EXD1: variants seen among roughly 807,000 people sequenced by gnomAD.
The protein encoded by EXD1 is exonuclease 3'-5' domain containing 1.
EXD1 carries 63 observed loss-of-function variants against 49.1 expected under a neutral mutation model. The observed-to-expected ratio is 1.28, with a 90% CI of 1.05 to 1.58. EXD1 has a LOEUF of 1.58. Among genes scored for constraint, EXD1 ranks in the 40% most tolerant of loss-of-function variants. The pLI is 0.00. For synonymous variants in EXD1, 234 were observed against 239.2 expected (o/e 0.98, Z 0.20); for missense variants, 748 against 666.0 (o/e 1.12, Z -1.36).
Position 41,195,741 on chromosome 15 carries a change from T to C in EXD1, c.720+34A>G, listed in dbSNP as rs1209321596. On this transcript the variant is annotated intron_variant, in intron 9 of 11. Transcript: ENST00000458580. ...CCCTTTTATCTACAGGAGCTGTATA[T>C]ACTGGTTTGAATCCAGTGCTTCCCT... 5 of 1,566,054 alleles carry C rather than the reference T, an allele frequency of 3.2e-6. No homozygotes were observed. In the South Asian group the frequency reaches 5.7e-5, roughly 18 times the overall value.
At chr15:41,190,962 G>A (rs1366815045) in intron 10 of EXD1, among the ~76,000 whole-genome samples, 1 of 151,840 alleles carries the variant, frequency 6.6e-6, no homozygotes, top group Non-Finnish European at 1.5e-5. Context: ...TGCCCAGGCT[G>A]GAGTGCAGTG....
chr15:41,187,579 T>C (rs2046433837), intron 11 of EXD1, among the ~76,000 whole-genome samples: 1 of 152,184 alleles, frequency 6.6e-6, no homozygotes, highest in Admixed American at 6.6e-5. Context: ...TAGAGTATTA[T>C]AATTTATTCA....
At chr15:41,211,211 A>G (rs1254106811) in intron 6 of EXD1, among the ~76,000 whole-genome samples, 2 of 152,000 alleles carry the variant, frequency 1.3e-5, no homozygotes. Flanking sequence ...TCCGGGGCTT[A>G]GCTGATCCTC....
intron 3 of EXD1, among the ~76,000 whole-genome samples, chr15:41,218,522 A>G (rs1345698327): frequency 2.0e-5 from 3 of 151,478 alleles, no homozygotes; most frequent in Non-Finnish European, 4.4e-5. Context: ...ACGAAGGCCA[A>G]ACCCTGGAGA....
In EXD1 at chr15:41,223,789, C is replaced by T. The variant is rs193101525; in HGVS notation, c.133+2654G>A. Among the ~76,000 whole-genome samples the T allele has an allele frequency of 3.3e-3, 495 of 151,312 alleles. 14 individuals carry two copies. The highest frequency in any genetic ancestry group is 0.026 in the Admixed American group (396 of 15,142). On this transcript the variant is annotated intron_variant, in intron 2 of 11. Transcript: ENST00000458580. Reference sequence around the variant, plus strand: ...CTGAGGCAGGAGAATGGCTTGAACCCGGGAGGCAAAGGTTCCAGTGAGCCA... The same window carrying T: ...CTGAGGCAGGAGAATGGCTTGAACCTGGGAGGCAAAGGTTCCAGTGAGCCA...
chr15:41,225,253 C>A (rs1268484986), intron 2 of EXD1, among the ~76,000 whole-genome samples: 1 of 152,150 alleles, frequency 6.6e-6, no homozygotes, highest in Non-Finnish European at 1.5e-5. Context: ...ACAATTCTAA[C>A]TAATGTGGTG....
At chr15:41,199,648 T>C (rs1202268859) in intron 7 of EXD1, among the ~76,000 whole-genome samples, 2 of 129,914 alleles carry the variant, frequency 1.5e-5, no homozygotes, top group Admixed American at 1.8e-4. Context: ...ATAAAATATA[T>C]ATCATATATA....
At chr15:41,206,969 C>T (rs58083671) in intron 7 of EXD1, among the ~76,000 whole-genome samples, 1 of 126,940 alleles carries the variant, frequency 7.9e-6, no homozygotes, top group Non-Finnish European at 1.6e-5. Context: ...AGTGCCTCTG[C>T]GCCAGGTGTG....
intron 1 of EXD1, among the ~76,000 whole-genome samples, chr15:41,229,559 C>T (rs539202403): frequency 3.3e-5 from 5 of 152,086 alleles, no homozygotes; most frequent in Admixed American, 6.6e-5. Flanking sequence ...ACCTGAGATA[C>T]GGAGTTCGAG....
chr15:41,184,489 G>C lies in EXD1; in HGVS notation c.1161C>G (p.Leu387=). 4 of 1,614,054 alleles carry C rather than the reference G, an allele frequency of 2.5e-6. No individual in the cohort carries two copies. The highest frequency in any genetic ancestry group is 3.4e-6 in the Non-Finnish European group (4 of 1,180,010). Residue 387 remains leucine (L), a synonymous_variant, in exon 12 of 12, where the codon CTC becomes CTG. Transcript: ENST00000458580. The part of the protein sequence containing the change: ...AREYRVNAQG[L]LIRTVLQPKK... The stretch of plus-strand genomic sequence containing the variant: ...TTGGCTGTAGCACTGTCCTTATCAG[G>C]AGTCCCTGTGCATTCACCCTATATT...
intron 6 of EXD1, 58 bp from the exon 7 acceptor site, chr15:41,209,645 C>T: frequency 6.3e-6 from 9 of 1,428,538 alleles, no homozygotes; most frequent in Non-Finnish European, 8.8e-6. Context: ...GGCATGATAA[C>T]ATCATGATTG....
At chr15:41,226,048 C>T (rs572129006) in intron 2 of EXD1, among the ~76,000 whole-genome samples, 19 of 152,072 alleles carry the variant, frequency 1.2e-4, no homozygotes, top group Admixed American at 2.0e-4. Flanking sequence ...GTCAGGAGAT[C>T]GAGACCATCC....
At chr15:41,216,615 G>C in intron 5 of EXD1, 53 bp downstream of exon 5, 1 of 1,538,588 alleles carries the variant, frequency 6.5e-7, no homozygotes, top group Non-Finnish European at 8.7e-7. Flanking sequence ...TGGGCAACAA[G>C]AGCGAAACTC....
chr15:41,184,429 C>T lies in EXD1; in HGVS notation c.1221G>A (p.Glu407=). 2 of 1,614,130 alleles carry T rather than the reference C, an allele frequency of 1.2e-6. No homozygotes were observed. The highest frequency in any genetic ancestry group is 1.7e-6 in the Non-Finnish European group (2 of 1,180,034). The change falls in exon 12 of 12, where the codon GAG becomes GAA. Residue 407 remains glutamate, a synonymous_variant. Coordinates refer to ENST00000458580, the MANE Select transcript of EXD1 (RefSeq NM_001286441.2). The part of the protein sequence containing the change: ...KLVTETAGKE[E]KVKGFLFGKN... ...TACCAAATAAGAAGCCTTTGACTTT[C>T]TCCTCTTTCCCTGCTGTCTCTGTCA... is the stretch of plus-strand genomic sequence containing the variant.
chr15:41,202,264 T>A (rs1484839964), intron 7 of EXD1, among the ~76,000 whole-genome samples: 1 of 151,984 alleles, frequency 6.6e-6, no homozygotes, highest in Non-Finnish European at 1.5e-5. Flanking sequence ...AGCCTCTGCC[T>A]CCCGGGTTCA....
chr15:41,230,552 T>C lies in EXD1; in HGVS notation c.-127A>G, dbSNP rs373175224. 23 of 1,613,932 alleles carry C rather than the reference T, an allele frequency of 1.4e-5. No homozygotes were observed. The East Asian group carries it at 4.2e-4, about 30-fold the overall frequency. Reference sequence around the variant, plus strand: ...AAGGAAGTTTGGGAAATCTGGATCCTAATTTCAGCCAAGTGGTGCGTTCCT... The same window carrying C: ...AAGGAAGTTTGGGAAATCTGGATCCCAATTTCAGCCAAGTGGTGCGTTCCT... On this transcript the variant is annotated 5_prime_UTR_variant, in exon 1 of 12. Transcript: ENST00000458580.
rs758605179 is a variant in EXD1, at chr15:41,184,296, G to A, written c.1354C>T (p.His452Tyr). 1.9e-6 allele frequency: 3 copies of A among 1,614,094 alleles called. No individual in the cohort carries two copies. The highest frequency in any genetic ancestry group is 1.3e-5 in the African/African-American group (1 of 74,928). ...TCCCCTTCCTCTGTGGGAGGTAGAT[G>A]TTGAGGATTTGTAGCTTGTTTATTC... ...SLNKQATNPQ[H>Y]LPPTEEGETS... The change falls in exon 12 of 12, where the codon CAT (histidine) becomes TAT (tyrosine). Residue 452 changes from histidine to tyrosine, a missense_variant. His to Tyr is a moderately conservative substitution (Grantham distance 83). Transcript: ENST00000458580.
At chr15:41,192,763 C>T (rs1226338836) in intron 9 of EXD1, among the ~76,000 whole-genome samples, 2 of 150,760 alleles carry the variant, frequency 1.3e-5, no homozygotes, top group Non-Finnish European at 3.0e-5. Context: ...CAGGCACATC[C>T]CACTATGCCT....
intron 7 of EXD1, among the ~76,000 whole-genome samples, chr15:41,204,068 C>A (rs8028619): frequency 0.98 from 147,685 of 151,380 alleles, 72,132 homozygotes; most frequent in East Asian, 1. Flanking sequence ...CAACACAGTG[C>A]AACCCCATCT....
Sources: allele counts gnomAD v4.1 joint callset (sites outside exome capture counted in the v4.1 genomes callset), GRCh38; gene constraint gnomAD v4.1.1; transcripts MANE v1.5; gene names NCBI Gene and HGNC (gene_info 2026-07-23, HGNC 2026-07-21).